Variants in TBC1D9B observed in about 807,000 individuals in gnomAD.
The protein encoded by TBC1D9B is TBC1 domain family member 9B, also known as TBC1 domain family, member 9B (with GRAM domain).
TBC1D9B carries 87 observed loss-of-function variants against 121.1 expected under a neutral mutation model. That is an observed-to-expected ratio of 0.72 (90% CI 0.60 to 0.86). TBC1D9B has a LOEUF of 0.86. Ranked by LOEUF, TBC1D9B falls within the 40% of genes least tolerant of loss-of-function variation. The pLI, the probability that TBC1D9B is intolerant of heterozygous loss-of-function variation, is 0.00. For synonymous variants in TBC1D9B, 668 were observed against 670.1 expected, an observed-to-expected ratio of 1.00 and a Z score of 0.05; for missense variants, 1,540 against 1,628.6, an observed-to-expected ratio of 0.95 and a Z score of 0.94.
At chr5:179,899,379 G>T (rs765711367) in intron 2 of TBC1D9B, 72 bp from the exon 3 acceptor site, 22 of 1,334,828 alleles carry the variant, frequency 1.6e-5, no homozygotes, top group Non-Finnish European at 2.1e-5. Context: ...TCAAAGAAGC[G>T]AGATGAAAGT....
chr5:179,878,634 G>C, intron 9 of TBC1D9B, 111 bp from the exon 10 acceptor site: 1 of 1,062,168 alleles, frequency 9.4e-7, no homozygotes, highest in Non-Finnish European at 1.4e-6. Flanking sequence ...TGGGACTTGG[G>C]GTCAAGCACA....
chr5:179,892,619 C>T (rs1389780769), intron 5 of TBC1D9B, among the ~76,000 whole-genome samples: 2 of 152,226 alleles, frequency 1.3e-5, no homozygotes, highest in Admixed American at 1.3e-4. Flanking sequence ...GAACTCAGAC[C>T]CACACATGGC....
chr5:179,878,593 TG>T, intron 9 of TBC1D9B, 70 bp from the exon 10 acceptor site: 1 of 1,460,382 alleles, frequency 6.8e-7, no homozygotes, highest in South Asian at 1.3e-5. Flanking sequence ...CAGGGCAGGT[TG>T]GAGTCACCGG....
intron 2 of TBC1D9B, among the ~76,000 whole-genome samples, chr5:179,903,126 G>A (rs1163561556): frequency 2.0e-5 from 3 of 152,188 alleles, no homozygotes; most frequent in Non-Finnish European, 2.9e-5. Context: ...CCACTACCCT[G>A]GAGAACAAGG....
At position 179,904,604 on chromosome 5, in the gene TBC1D9B, A is replaced by G; in HGVS notation, c.229+98T>C. On this transcript the variant is annotated intron_variant, in intron 2 of 20. Coordinates refer to ENST00000355235, the MANE Select transcript of TBC1D9B (RefSeq NM_015043.4). The surrounding 1 kb of genome is among the most constrained non-coding windows in gnomAD (Gnocchi z 4.2). The stretch of plus-strand genomic sequence containing the variant: ...CCTTGGGCTATGCTGTCAGCAGGGA[A>G]TACCACCCAGACACGTGGGCTACAC... The G allele has an allele frequency of 9.6e-7, 1 of 1,041,854 alleles. No homozygotes were observed. The highest frequency in any genetic ancestry group is 1.4e-6 in the Non-Finnish European group (1 of 699,106). The allele number at this position is 1,041,854 out of a possible 1,614,324, so 64.5% of individuals were successfully genotyped here. A position where few individuals can be genotyped will look rare whatever the true frequency, so the allele number is the denominator to read the frequency against.
At chr5:179,897,223 G>C (rs368284792) in intron 3 of TBC1D9B, among the ~76,000 whole-genome samples, 1 of 151,896 alleles carries the variant, frequency 6.6e-6, no homozygotes, top group African/African-American at 2.4e-5. Context: ...TCCTTCTTTT[G>C]TAAGACTGAA....
At position 179,878,522 on chromosome 5, in the gene TBC1D9B, C is replaced by T. The variant is rs1176468625; in HGVS notation, c.1569G>A (p.Gly523=). 2 of 1,599,416 alleles carry T rather than the reference C, an allele frequency of 1.3e-6. No homozygotes were observed. Among genetic ancestry groups the T allele is most frequent in the South Asian group, 2.3e-5 (2 of 88,780 alleles). Residue 523 remains glycine, a splice_region_variant and synonymous_variant, in exon 10 of 21, where the codon GGG becomes GGA. Coordinates refer to ENST00000355235, the MANE Select transcript of TBC1D9B (RefSeq NM_015043.4). ...LRGELWLLFS[G]AWNEMVTHPG... ...GGTGAGTCACCATCTCATTCCAGGC[C>T]CCTGGGGAGACACGGGTGCCAGCTG...
intron 10 of TBC1D9B, among the ~76,000 whole-genome samples, chr5:179,877,413 A>C (rs1312970075): frequency 1.3e-5 from 2 of 151,826 alleles, no homozygotes; most frequent in African/African-American, 4.8e-5. Flanking sequence ...CTGTAATCCC[A>C]GCACTTTAAG....
chr5:179,888,472 T>A lies in TBC1D9B; in HGVS notation c.1045-160A>T, dbSNP rs982543861. 2.0e-5 allele frequency among the ~76,000 whole-genome samples: 3 copies of A among 152,146 alleles called. No individual in the cohort carries two copies. The East Asian group carries it at 5.8e-4, about 29-fold the overall frequency. ...TTCTGACTCTGCCACCCGCTGCACC[T>A]AACCCCGAGCAAGTTGCCTGTGCCT... On this transcript the variant is annotated intron_variant, in intron 6 of 20. Transcript: ENST00000355235.
At position 179,865,404 on chromosome 5, in the gene TBC1D9B, G is replaced by A. The variant is rs781511365; in HGVS notation, c.2915-44C>T. On this transcript the variant is annotated intron_variant, in intron 19 of 20. Transcript: ENST00000355235. The surrounding 1 kb of genome is among the most constrained non-coding windows in gnomAD (Gnocchi z 5.1). The stretch of plus-strand genomic sequence containing the variant: ...GAGATTAATCTTTGTCATGTGAGAC[G>A]GCTGCGGGCTGACAGCAGGGAGAGG... The A allele has an allele frequency of 2.3e-5, 36 of 1,571,618 alleles. No homozygotes were observed. Among genetic ancestry groups the A allele is most frequent in the South Asian group, 4.4e-5 (4 of 90,192 alleles).
At chr5:179,896,589 C>T (rs1395942598) in intron 3 of TBC1D9B, among the ~76,000 whole-genome samples, 1 of 152,136 alleles carries the variant, frequency 6.6e-6, no homozygotes, top group Non-Finnish European at 1.5e-5. Context: ...GTGGCGCAAT[C>T]TTGGCTCACT....
rs2113613220 is a variant in TBC1D9B at position 179,874,662 on chromosome 5, G to A, written c.2186+240C>T. ...ATCTCCAACCCTACATCTGAGCGGT[G>A]GCCCTCCAGCCAGCATGCTCTGCCC... is the stretch of plus-strand genomic sequence containing the variant. On this transcript the variant is annotated intron_variant, in intron 12 of 20. Coordinates refer to ENST00000355235, the MANE Select transcript of TBC1D9B (RefSeq NM_015043.4). This position sits in a 1 kb window ranked among gnomAD's most constrained non-coding sequence, Gnocchi z 4.3. Among the ~76,000 whole-genome samples the A allele has an allele frequency of 6.6e-6, 1 of 152,290 alleles. No individual in the cohort carries two copies. Among genetic ancestry groups the A allele is most frequent in the African/African-American group, 2.4e-5 (1 of 41,560 alleles).
chr5:179,887,411 A>G (rs1017056392), intron 7 of TBC1D9B, among the ~76,000 whole-genome samples: 1 of 152,280 alleles, frequency 6.6e-6, no homozygotes, highest in Non-Finnish European at 1.5e-5. Flanking sequence ...CAAGAGACAC[A>G]GGAGCTTGCT....
Position 179,888,177 on chromosome 5 carries a change from G to T in TBC1D9B, c.1180C>A (p.Leu394Ile). ...GGCTGCTTGGATGGTGTTTTCTGGA[G>T]GAAGTCAGAGATCCTCTGCACCAAG... ...DFLVQRISDF[L>I]QKTPSKQPGS... The change falls in exon 7 of 21, where the codon CTC (leucine) becomes ATC (isoleucine). Residue 394 changes from leucine (L) to isoleucine (I), a missense_variant. Leu to Ile is a conservative substitution (Grantham distance 5, BLOSUM62 2). Coordinates refer to ENST00000355235, the MANE Select transcript of TBC1D9B (RefSeq NM_015043.4). The T allele has an allele frequency of 6.2e-7, 1 of 1,613,728 alleles. No individual in the cohort carries two copies. The highest frequency in any genetic ancestry group is 8.5e-7 in the Non-Finnish European group (1 of 1,179,890).
Position 179,893,810 on chromosome 5 carries a change from C to T in TBC1D9B, c.578-343G>A, listed in dbSNP as rs1204436669. Among the ~76,000 whole-genome samples, 7 of 152,206 alleles carry T rather than the reference C, an allele frequency of 4.6e-5. No individual in the cohort carries two copies. In the South Asian group the frequency reaches 1.5e-3, roughly 32 times the overall value. ...AACAGTCACAGCACAGCGCGGCCAA[C>T]ACAGAACAGGACACAGCCCCTGCTG... On this transcript the variant is annotated intron_variant, in intron 4 of 20. Coordinates refer to ENST00000355235, the MANE Select transcript of TBC1D9B (RefSeq NM_015043.4).
intron 5 of TBC1D9B, 119 bp downstream of exon 5, chr5:179,893,090 C>T (rs1760909677): frequency 1.4e-6 from 2 of 1,402,546 alleles, no homozygotes; most frequent in Non-Finnish European, 1.9e-6. Context: ...AGTGGGGAGC[C>T]CATGAGGGGT....
At chr5:179,906,317 G>A (rs996274913) in intron 1 of TBC1D9B, among the ~76,000 whole-genome samples, 4 of 152,176 alleles carry the variant, frequency 2.6e-5, no homozygotes, top group African/African-American at 9.7e-5. Context: ...TTCCCTTGGG[G>A]GGACCCTGGG....
intron 1 of TBC1D9B, among the ~76,000 whole-genome samples, chr5:179,905,032 T>G (rs1003249865): frequency 1.3e-5 from 2 of 152,184 alleles, no homozygotes; most frequent in East Asian, 1.9e-4. Flanking sequence ...AGCATCTGCT[T>G]CTTCTCCTGG....
intron 20 of TBC1D9B, 130 bp from the exon 21 acceptor site, chr5:179,864,258 G>T: frequency 1.1e-6 from 1 of 898,774 alleles, no homozygotes; most frequent in Non-Finnish European, 1.7e-6. Flanking sequence ...ATCTCCATGA[G>T]CCTCATCAGT....
Sources: gnomAD v4.1 joint callset for allele counts (sites outside exome capture counted in the v4.1 genomes callset) on GRCh38, gnomAD v4.1.1 for gene constraint, Gnocchi (gnomAD v3.1) non-coding constraint, MANE v1.5 for transcripts, NCBI Gene and HGNC (gene_info 2026-07-23, HGNC 2026-07-21) for gene names.